PCDH11Y: variants seen among roughly 807,000 people sequenced by gnomAD.
PCDH11Y encodes the protein protocadherin-11 Y-linked.
For synonymous variants in PCDH11Y, 9 were observed against 83.6 expected, an observed-to-expected ratio of 0.11 and a Z score of 4.87; for missense variants, 12 against 224.8, an observed-to-expected ratio of 0.05 and a Z score of 6.05.
At chrY:5,140,717 CA>C (rs1412757068) in intron 2 of PCDH11Y, among the ~76,000 whole-genome samples, 33 of 26,514 alleles carry the variant, frequency 1.2e-3, no homozygotes, top group Admixed American at 2.4e-3. Context: ...ATATTTACTG[CA>C]AAAAAAAAAA....
At chrY:5,156,941 C>A (rs2052870212) in intron 2 of PCDH11Y, among the ~76,000 whole-genome samples, 1 of 32,511 alleles carries the variant, frequency 3.1e-5, no homozygotes, top group African/African-American at 1.2e-4. Context: ...AACTCAAATA[C>A]CTACAATGCG....
intron 1 of PCDH11Y, among the ~76,000 whole-genome samples, chrY:5,025,569 T>C: frequency 3.0e-5 from 1 of 33,771 alleles, no homozygotes; most frequent in African/African-American, 1.2e-4. Flanking sequence ...TGTGATACAT[T>C]CTCTCTTTTT....
chrY:5,381,777 G>C, intron 2 of PCDH11Y, among the ~76,000 whole-genome samples: 1 of 33,173 alleles, frequency 3.0e-5, no homozygotes, highest in African/African-American at 1.2e-4. Flanking sequence ...GAATTGGATG[G>C]TTAAAATCAC....
intron 2 of PCDH11Y, among the ~76,000 whole-genome samples, chrY:5,164,648 A>G (rs2052877455): frequency 3.1e-5 from 1 of 32,532 alleles, no homozygotes; most frequent in Non-Finnish European, 7.6e-5. Context: ...GAAAACAGGA[A>G]AGACATAGGA....
At chrY:5,429,751 G>A (rs2053266737) in intron 2 of PCDH11Y, among the ~76,000 whole-genome samples, 5 of 32,830 alleles carry the variant, frequency 1.5e-4, no homozygotes, top group Non-Finnish European at 2.2e-4. Flanking sequence ...GCTTACCATA[G>A]CCTTGATCTC....
intron 2 of PCDH11Y, among the ~76,000 whole-genome samples, chrY:5,286,128 A>C (rs2053060073): frequency 3.0e-5 from 1 of 33,072 alleles, no homozygotes; most frequent in South Asian, 6.8e-4. Context: ...TTGAATAGGG[A>C]GTCCTTTCTC....
intron 2 of PCDH11Y, among the ~76,000 whole-genome samples, chrY:5,361,875 C>G (rs2124671877): frequency 3.1e-5 from 1 of 32,783 alleles, no homozygotes; most frequent in South Asian, 6.9e-4. Flanking sequence ...GAAACATAGT[C>G]TTTTTGTCCC....
At chrY:5,368,370 G>A (rs2053183389) in intron 2 of PCDH11Y, among the ~76,000 whole-genome samples, 1 of 33,942 alleles carries the variant, frequency 2.9e-5, no homozygotes, top group Admixed American at 2.7e-4. Context: ...AGTCGTGGCT[G>A]AAAGGGGCCA....
chrY:5,447,797 T>C, intron 2 of PCDH11Y, among the ~76,000 whole-genome samples: 1 of 33,139 alleles, frequency 3.0e-5, no homozygotes, highest in South Asian at 6.7e-4. Context: ...GACAAGTTAA[T>C]TGTTAGTTTC....
At chrY:5,533,412 A>C in intron 3 of PCDH11Y, among the ~76,000 whole-genome samples, 1 of 33,680 alleles carries the variant, frequency 3.0e-5, no homozygotes, top group Non-Finnish European at 7.3e-5. Context: ...ATCATACATA[A>C]TTTAAAGAAT....
intron 4 of PCDH11Y, among the ~76,000 whole-genome samples, chrY:5,595,050 G>A: frequency 4.3e-5 from 1 of 23,449 alleles, no homozygotes; most frequent in Admixed American, 4.1e-4. Context: ...AGTGCTAATT[G>A]CTCCTTGCCA....
intron 2 of PCDH11Y, among the ~76,000 whole-genome samples, chrY:5,473,171 TG>T (rs2053315792): frequency 3.3e-5 from 1 of 30,689 alleles, no homozygotes; most frequent in Non-Finnish European, 8.0e-5. Context: ...AAAGATTTGT[TG>T]TGAAATACAG....
chrY:5,686,865 G>A, intron 4 of PCDH11Y, among the ~76,000 whole-genome samples: 1 of 33,573 alleles, frequency 3.0e-5, no homozygotes, highest in Admixed American at 2.7e-4. Context: ...AGTAGTGAGA[G>A]AGGACAGCCT....
chrY:5,123,247 G>T, intron 2 of PCDH11Y, among the ~76,000 whole-genome samples: 2 of 32,201 alleles, frequency 6.2e-5, no homozygotes, highest in African/African-American at 1.2e-4. Flanking sequence ...CAAACTCCCA[G>T]GTTTGTTGTG....
intron 2 of PCDH11Y, among the ~76,000 whole-genome samples, chrY:5,451,047 A>G: frequency 6.1e-5 from 2 of 32,643 alleles, no homozygotes; most frequent in African/African-American, 2.4e-4. Context: ...CTAGTTTTAT[A>G]TCTACACTGG....
At chrY:5,622,065 A>AAAAC (rs2053500780) in intron 4 of PCDH11Y, among the ~76,000 whole-genome samples, 12 of 32,854 alleles carry the variant, frequency 3.7e-4, no homozygotes, top group Admixed American at 5.8e-4. Context: ...CTGCACAGCA[A>AAAAC]AAACAAACAA....
intron 2 of PCDH11Y, among the ~76,000 whole-genome samples, chrY:5,140,369 T>A: frequency 3.2e-5 from 1 of 31,264 alleles, no homozygotes; most frequent in South Asian, 7.4e-4. Flanking sequence ...AAGTAGTTTA[T>A]TTTTGCTGGA....
chrY:5,206,039 C>T, intron 2 of PCDH11Y, among the ~76,000 whole-genome samples: 1 of 32,468 alleles, frequency 3.1e-5, no homozygotes, highest in Non-Finnish European at 7.5e-5. Context: ...CCTGATAAGT[C>T]CCCCACTGCT....
intron 2 of PCDH11Y, among the ~76,000 whole-genome samples, chrY:5,359,878 G>C (rs2053172921): frequency 3.0e-5 from 1 of 32,896 alleles, no homozygotes; most frequent in African/African-American, 1.2e-4. Context: ...AAAAGGGCAA[G>C]TAGCATCATT....
Sources: allele counts gnomAD v4.1 joint callset (sites outside exome capture counted in the v4.1 genomes callset), GRCh38; gene constraint gnomAD v4.1.1; transcripts MANE v1.5; gene names NCBI Gene and HGNC (gene_info 2026-07-23, HGNC 2026-07-21).